SYTL5: variants seen among roughly 807,000 people sequenced by gnomAD.
The protein encoded by SYTL5 is synaptotagmin like 5.
A neutral mutation model predicts 55.9 loss-of-function variants in SYTL5; 34 were observed. The observed-to-expected ratio is 0.61, with a 90% CI of 0.46 to 0.81. The LOEUF (loss-of-function observed/expected upper bound fraction) is 0.81. SYTL5 is among the 30% of genes least tolerant of loss of function. The pLI is 0.00. For synonymous variants in SYTL5, 221 were observed against 188.7 expected (o/e 1.17, Z -1.40); for missense variants, 637 against 546.7 (o/e 1.17, Z -1.65).
At chrX:38,112,716 G>A (rs947947940) in intron 13 of SYTL5, among the ~76,000 whole-genome samples, 1 of 111,807 alleles carries the variant, frequency 8.9e-6, no homozygotes, top group African/African-American at 3.3e-5. Flanking sequence ...CTTCATTAGT[G>A]GCTCATCCCC....
intron 12 of SYTL5, among the ~76,000 whole-genome samples, chrX:38,109,713 T>G (rs1208430229): frequency 9.2e-6 from 1 of 108,272 alleles, no homozygotes; most frequent in Admixed American, 1.0e-4. Flanking sequence ...GGTGGTTGCA[T>G]AGAACAAGCA....
At chrX:38,052,474 C>T (rs959717492) in intron 2 of SYTL5, among the ~76,000 whole-genome samples, 1 of 111,942 alleles carries the variant, frequency 8.9e-6, no homozygotes, top group Admixed American at 9.5e-5. Context: ...CTTTGCTCTA[C>T]AGTTTGAAAA....
intron 1 of SYTL5, among the ~76,000 whole-genome samples, chrX:38,026,192 G>A (rs1449026104): frequency 8.9e-6 from 1 of 112,341 alleles, no homozygotes; most frequent in Non-Finnish European, 1.9e-5. Flanking sequence ...GTCTGGATGG[G>A]CACTGACATC....
intron 3 of SYTL5, among the ~76,000 whole-genome samples, chrX:38,067,775 A>C (rs192245021): frequency 3.6e-4 from 41 of 112,330 alleles, no homozygotes; most frequent in African/African-American, 1.3e-3. Context: ...TTCACTATAT[A>C]CAAAAATTAA....
intron 12 of SYTL5, 96 bp downstream of exon 12, chrX:38,108,795 G>A (rs1937283006): frequency 9.6e-6 from 5 of 518,206 alleles, no homozygotes; most frequent in Non-Finnish European, 1.6e-5. Flanking sequence ...TGTGTGTCAA[G>A]GCTTGTATAT....
intron 2 of SYTL5, among the ~76,000 whole-genome samples, chrX:38,038,572 G>A (rs1348400749): frequency 2.7e-5 from 3 of 112,113 alleles, no homozygotes; most frequent in East Asian, 5.5e-4. Context: ...AAAGGAAGAA[G>A]TAATTAATTA....
At chrX:37,941,308 T>C in the SYTL5 span, among the ~76,000 whole-genome samples, 2 of 111,545 alleles carry the variant, frequency 1.8e-5, no homozygotes, top group African/African-American at 6.5e-5. Context: ...AAGTGGCTGA[T>C]TACAATTTTG....
chrX:37,915,852 A>G, the SYTL5 span, among the ~76,000 whole-genome samples: 1 of 111,509 alleles, frequency 9.0e-6, no homozygotes, highest in Non-Finnish European at 1.9e-5. Flanking sequence ...AGCAAAGGAA[A>G]CTACAACAGA....
intron 1 of SYTL5, among the ~76,000 whole-genome samples, chrX:38,021,915 G>A (rs1055879227): frequency 2.7e-5 from 3 of 112,159 alleles, no homozygotes; most frequent in Non-Finnish European, 5.6e-5. Flanking sequence ...AGTTATTTGT[G>A]TCACAACATA....
At chrX:38,052,366 AT>A (rs1935646719) in intron 2 of SYTL5, among the ~76,000 whole-genome samples, 1 of 111,876 alleles carries the variant, frequency 8.9e-6, no homozygotes, top group Non-Finnish European at 1.9e-5. Flanking sequence ...GTTTAGACTC[AT>A]TTTTTTCCTC....
chrX:37,966,068 T>C, the SYTL5 span, among the ~76,000 whole-genome samples: 2 of 112,370 alleles, frequency 1.8e-5, no homozygotes, highest in African/African-American at 6.5e-5. Context: ...CAATGCCTTA[T>C]TATTGGGGAG....
At chrX:37,988,289 C>T in the SYTL5 span, among the ~76,000 whole-genome samples, 1 of 111,700 alleles carries the variant, frequency 9.0e-6, no homozygotes, top group Admixed American at 9.5e-5. Flanking sequence ...AACAGACCCT[C>T]CTCTAGAGTC....
chrX:38,001,036 G>C, the SYTL5 span, among the ~76,000 whole-genome samples: 1 of 110,760 alleles, frequency 9.0e-6, no homozygotes, highest in Non-Finnish European at 1.9e-5. Flanking sequence ...TGGTGGGCCA[G>C]CGTGGTCTTG....
At chrX:37,903,513 A>T in the SYTL5 span, among the ~76,000 whole-genome samples, 23 of 94,648 alleles carry the variant, frequency 2.4e-4, no homozygotes, top group Non-Finnish European at 1.7e-4. Context: ...GAACACATGG[A>T]CACAGGAAGG....
chrX:38,081,743 T>C (rs887981644), intron 6 of SYTL5, among the ~76,000 whole-genome samples: 1 of 111,845 alleles, frequency 8.9e-6, no homozygotes, highest in African/African-American at 3.2e-5. Flanking sequence ...CTCAGAGTTA[T>C]CCAGTTAAGA....
At chrX:38,035,180 A>G (rs899007631) in intron 2 of SYTL5, among the ~76,000 whole-genome samples, 1 of 112,557 alleles carries the variant, frequency 8.9e-6, no homozygotes, top group Non-Finnish European at 1.9e-5. Context: ...GATGAAAATT[A>G]TTGCACTTTT....
At chrX:38,077,043 G>C (rs749625151) in intron 6 of SYTL5, among the ~76,000 whole-genome samples, 2 of 111,754 alleles carry the variant, frequency 1.8e-5, no homozygotes, top group African/African-American at 6.5e-5. Context: ...AAACCTCTGA[G>C]TGTCAAATAC....
At chrX:38,099,135 T>G (rs1937017050) in intron 9 of SYTL5, among the ~76,000 whole-genome samples, 1 of 111,031 alleles carries the variant, frequency 9.0e-6, no homozygotes, top group African/African-American at 3.3e-5. Flanking sequence ...AATAGGTAAA[T>G]TTTATGGTAT....
chrX:37,930,116 T>G, the SYTL5 span, among the ~76,000 whole-genome samples: 1 of 112,038 alleles, frequency 8.9e-6, no homozygotes, highest in African/African-American at 3.2e-5. Context: ...GTAGATTCTG[T>G]GTCCTGACAA....
Sources: allele counts gnomAD v4.1 joint callset (sites outside exome capture counted in the v4.1 genomes callset), GRCh38; gene constraint gnomAD v4.1.1; transcripts MANE v1.5; gene names NCBI Gene and HGNC (gene_info 2026-07-23, HGNC 2026-07-21).